Variants in GNA14 observed in about 807,000 individuals in gnomAD.
GNA14 encodes G protein subunit alpha 14.
GNA14 carries 50 observed loss-of-function variants against 42.0 expected under a neutral mutation model. The ratio of observed to expected loss-of-function variants is 1.19; its 90% CI spans 0.95 to 1.51. The LOEUF (loss-of-function observed/expected upper bound fraction) is 1.51. Ranked by LOEUF, GNA14 falls within the 40% of genes most tolerant of loss-of-function variation. GNA14 has a pLI of 0.00. For missense variants in GNA14, 473 were observed against 446.2 expected, an observed-to-expected ratio of 1.06 and a Z score of -0.54; for synonymous variants, 173 against 163.1, an observed-to-expected ratio of 1.06 and a Z score of -0.46.
rs143961912 is a variant in GNA14, at chr9:77,562,391, C to A, written c.125-33138G>T. Among the ~76,000 whole-genome samples the A allele has an allele frequency of 1.2e-3, 177 of 151,920 alleles. 1 individual carries two copies. The highest frequency in any genetic ancestry group is 3.4e-3 in the Middle Eastern group (1 of 294). ...TGGAGAACACTTACAGGGACAGAAC[C>A]CAAAAAAATGATCATGTATGGGGCA... On this transcript the variant is annotated intron_variant, in intron 1 of 6. Transcript: ENST00000341700.
At chr9:77,543,632 G>GC (rs1343349284) in intron 1 of GNA14, among the ~76,000 whole-genome samples, 5 of 152,190 alleles carry the variant, frequency 3.3e-5, no homozygotes, top group African/African-American at 1.2e-4. Context: ...GGAATGTGGA[G>GC]CCCTGAGGGG....
intron 1 of GNA14, chr9:77,580,757 C>T (rs1216114246): frequency 5.2e-6 from 1 of 192,878 alleles, no homozygotes; most frequent in East Asian, 1.4e-4. Flanking sequence ...GCACAGTGTG[C>T]TGCTGCCACC....
Position 77,431,385 on chromosome 9 carries a change from G to C in GNA14, c.529C>G (p.Arg177Gly). The change falls in exon 4 of 7, where the codon CGC becomes GGC. Residue 177 changes from arginine to glycine, a missense_variant. Transcript: ENST00000341700. ...SFVPTQQDVL[R>G]VRVPTTGIIE... ...ATGCCGGTGGTGGGCACTCGGACGCGAAGCACATCTTGTTGGGTAGGCACG... is the reference window on the plus strand; with the variant it reads ...ATGCCGGTGGTGGGCACTCGGACGCCAAGCACATCTTGTTGGGTAGGCACG... 1.2e-6 allele frequency: 2 copies of C among 1,613,436 alleles called. No homozygotes were observed. Among genetic ancestry groups the C allele is most frequent in the Non-Finnish European group, 1.7e-6 (2 of 1,179,532 alleles).
At chr9:77,428,209 GC>G (rs1433922252) in intron 5 of GNA14, among the ~76,000 whole-genome samples, 2 of 151,324 alleles carry the variant, frequency 1.3e-5, no homozygotes, top group Admixed American at 6.6e-5. Flanking sequence ...CTCCTGAATA[GC>G]TGGGACTACA....
chr9:77,637,132 T>C (rs1824195084), intron 1 of GNA14, among the ~76,000 whole-genome samples: 2 of 152,226 alleles, frequency 1.3e-5, no homozygotes, highest in Admixed American at 1.3e-4. Flanking sequence ...TTACAGCTCC[T>C]GGAGTACTAA....
intron 2 of GNA14, among the ~76,000 whole-genome samples, chr9:77,497,522 C>G (rs147960580): frequency 1.3e-5 from 2 of 152,308 alleles, no homozygotes; most frequent in Non-Finnish European, 2.9e-5. Context: ...TTCCCTGTTC[C>G]TCCTTGGCAC....
intron 1 of GNA14, among the ~76,000 whole-genome samples, chr9:77,609,231 C>T (rs1166987715): frequency 1.3e-5 from 2 of 152,188 alleles, no homozygotes; most frequent in African/African-American, 2.4e-5. Context: ...CAATCTAGTG[C>T]TCTGTCACTT....
In GNA14 at chr9:77,560,109, G is replaced by A. The variant is rs117807666; in HGVS notation, c.125-30856C>T. On this transcript the variant is annotated intron_variant, in intron 1 of 6. Transcript: ENST00000341700. ...AATTATTCAGGTTTGCGAATTACTG[G>A]GAAAGGGCTATAAATTTTTCACACT... Among the ~76,000 whole-genome samples the A allele has an allele frequency of 5.8e-3, 879 of 152,166 alleles. 8 individuals are homozygous for A. The highest frequency in any genetic ancestry group is 0.01 in the Non-Finnish European group (699 of 68,006).
intron 2 of GNA14, among the ~76,000 whole-genome samples, chr9:77,445,205 G>A (rs1287779173): frequency 6.6e-6 from 1 of 152,218 alleles, no homozygotes; most frequent in East Asian, 1.9e-4. Flanking sequence ...ATTGCTCTGT[G>A]TATGGAGCGG....
intron 1 of GNA14, among the ~76,000 whole-genome samples, chr9:77,574,153 A>T (rs1015926331): frequency 3.3e-5 from 5 of 152,204 alleles, no homozygotes; most frequent in African/African-American, 1.2e-4. Context: ...ATTAAAATTA[A>T]GCAAAAAAGA....
intron 1 of GNA14, among the ~76,000 whole-genome samples, chr9:77,608,547 C>A (rs1333113544): frequency 1.3e-5 from 2 of 152,112 alleles, no homozygotes; most frequent in Non-Finnish European, 2.9e-5. Flanking sequence ...ACTAGAATGG[C>A]CACCCAACCC....
At chr9:77,493,026 A>AATATATATATATATATATATAT (rs1172872010) in intron 2 of GNA14, among the ~76,000 whole-genome samples, 17 of 51,694 alleles carry the variant, frequency 3.3e-4, no homozygotes, top group South Asian at 6.4e-4. Flanking sequence ...AAAAAAAAAA[A>AATATATATATATATATATATAT]ATATATATAT....
intron 2 of GNA14, among the ~76,000 whole-genome samples, chr9:77,465,032 C>T (rs1836197353): frequency 6.6e-6 from 1 of 152,176 alleles, no homozygotes; most frequent in South Asian, 2.1e-4. Context: ...GAAGCCTCTC[C>T]TATAGGCTTT....
intron 2 of GNA14, among the ~76,000 whole-genome samples, chr9:77,458,087 G>T (rs958353099): frequency 6.6e-6 from 1 of 152,176 alleles, no homozygotes; most frequent in Non-Finnish European, 1.5e-5. Context: ...CTGGGATCGG[G>T]ATCATAATGA....
intron 1 of GNA14, among the ~76,000 whole-genome samples, chr9:77,631,503 A>G (rs1333138689): frequency 6.9e-6 from 1 of 144,934 alleles, no homozygotes; most frequent in Non-Finnish European, 1.5e-5. Flanking sequence ...AAAACCATCA[A>G]GAGCATCTAT....
At chr9:77,581,002 GCACACACACACACACACACACACA>G (rs3052394) in intron 1 of GNA14, among the ~76,000 whole-genome samples, 2 of 144,280 alleles carry the variant, frequency 1.4e-5, no homozygotes, top group Non-Finnish European at 3.1e-5. Context: ...TACAATAAAG[GCACACACACACACACACACACACA>G]CACACACACA....
At chr9:77,488,667 T>C (rs1046862037) in intron 2 of GNA14, among the ~76,000 whole-genome samples, 1 of 151,132 alleles carries the variant, frequency 6.6e-6, no homozygotes, top group Non-Finnish European at 1.5e-5. Flanking sequence ...TTACTAGAAT[T>C]GAGAAAAGCT....
chr9:77,504,660 C>CTTTTTTT (rs34631344), intron 2 of GNA14, among the ~76,000 whole-genome samples: 2 of 76,202 alleles, frequency 2.6e-5, no homozygotes, highest in African/African-American at 1.0e-4. Flanking sequence ...GTCTGGCCGA[C>CTTTTTTT]TTTTTTTTTT....
intron 2 of GNA14, among the ~76,000 whole-genome samples, chr9:77,489,756 C>G (rs889741084): frequency 6.6e-6 from 1 of 151,766 alleles, no homozygotes; most frequent in South Asian, 2.1e-4. Flanking sequence ...CCGGTGGGCT[C>G]GTGGTCTCGC....
Sources: allele counts gnomAD v4.1 joint callset (sites outside exome capture counted in the v4.1 genomes callset), GRCh38; gene constraint gnomAD v4.1.1; transcripts MANE v1.5; gene names NCBI Gene and HGNC (gene_info 2026-07-23, HGNC 2026-07-21).